MYO16: variants seen among roughly 807,000 people sequenced by gnomAD.
MYO16 encodes unconventional myosin-XVI.
MYO16 carries 94 observed loss-of-function variants against 205.3 expected under a neutral mutation model. The ratio of observed to expected loss-of-function variants is 0.46; its 90% CI spans 0.39 to 0.54. The LOEUF (loss-of-function observed/expected upper bound fraction) is 0.54, where lower values mean the gene tolerates loss of function less well. Among genes scored for constraint, MYO16 ranks in the 20% least tolerant of loss-of-function variants. The pLI, the probability that MYO16 is intolerant of heterozygous loss-of-function variation, is 0.00. For missense variants in MYO16, 2,315 were observed against 2,387.5 expected (o/e 0.97, Z 0.63); for synonymous variants, 988 against 954.0 (o/e 1.04, Z -0.66).
intron 20 of MYO16, among the ~76,000 whole-genome samples, chr13:108,983,156 A>G (rs1287360205): frequency 6.6e-6 from 1 of 152,214 alleles, no homozygotes; most frequent in Non-Finnish European, 1.5e-5. Context: ...TACAAAATAA[A>G]TATACCATGC....
intron 2 of MYO16, among the ~76,000 whole-genome samples, chr13:108,667,315 G>GT (rs1186561491): frequency 0.055 from 6,465 of 117,986 alleles, 320 homozygotes; most frequent in South Asian, 0.1. Flanking sequence ...GAGAATTTCT[G>GT]TTTTGTTTTT....
At chr13:109,116,879 T>C (rs1875716500) in intron 28 of MYO16, among the ~76,000 whole-genome samples, 1 of 152,124 alleles carries the variant, frequency 6.6e-6, no homozygotes, top group African/African-American at 2.4e-5. Context: ...TGGTAGGAGT[T>C]GGAAGGGTGG....
At chr13:108,806,896 C>CTGAT in intron 7 of MYO16, 92 bp downstream of exon 7, 2 of 966,934 alleles carry the variant, frequency 2.1e-6, no homozygotes, top group Non-Finnish European at 2.8e-6. Context: ...AAATTACGTA[C>CTGAT]TAATCATTAT....
chr13:109,116,336 G>C (rs1566513777), intron 28 of MYO16, among the ~76,000 whole-genome samples: 1 of 151,964 alleles, frequency 6.6e-6, no homozygotes, highest in Non-Finnish European at 1.5e-5. Flanking sequence ...ATTTGCATAG[G>C]CTACATGAAA....
chr13:108,957,268 C>CAGCTAGTCAA, intron 16 of MYO16, among the ~76,000 whole-genome samples: 1 of 150,686 alleles, frequency 6.6e-6, no homozygotes, highest in African/African-American at 2.4e-5. Flanking sequence ...CCTGTAATCC[C>CAGCTAGTCAA]AGCTAGTCAA....
chr13:108,705,128 T>A (rs1003171928), intron 2 of MYO16, among the ~76,000 whole-genome samples: 2 of 152,150 alleles, frequency 1.3e-5, no homozygotes, highest in African/African-American at 4.8e-5. Context: ...TCCAGAAAGT[T>A]TAAATTGCAC....
At chr13:108,509,876 C>T in the MYO16 span, among the ~76,000 whole-genome samples, 1 of 152,006 alleles carries the variant, frequency 6.6e-6, no homozygotes, top group Admixed American at 6.6e-5. Context: ...CTTTTTCTTC[C>T]CCCGCCCAAC....
At chr13:109,030,062 A>T (rs565325121) in intron 23 of MYO16, among the ~76,000 whole-genome samples, 2 of 152,212 alleles carry the variant, frequency 1.3e-5, no homozygotes, top group South Asian at 4.1e-4. Context: ...ATCCATATAC[A>T]GATTTCTAGA....
intron 23 of MYO16, chr13:109,028,258 T>C (rs945543529): frequency 7.3e-6 from 1 of 137,158 alleles, no homozygotes; most frequent in African/African-American, 2.7e-5. Flanking sequence ...ATATAAAAAA[T>C]ATATAAAAAT....
intron 34 of MYO16, among the ~76,000 whole-genome samples, chr13:109,183,485 G>A (rs928483402): frequency 1.3e-5 from 2 of 152,128 alleles, no homozygotes; most frequent in African/African-American, 4.8e-5. Context: ...CTGTTTAGGG[G>A]TCCACACTTG....
intron 27 of MYO16, among the ~76,000 whole-genome samples, chr13:109,099,044 G>A (rs756465870): frequency 2.0e-5 from 3 of 152,058 alleles, no homozygotes; most frequent in Admixed American, 6.6e-5. Context: ...GATCAGCTTC[G>A]ATGACTGCTC....
At chr13:108,870,280 T>G (rs908478100) in intron 12 of MYO16, among the ~76,000 whole-genome samples, 7 of 152,192 alleles carry the variant, frequency 4.6e-5, no homozygotes, top group African/African-American at 1.7e-4. Context: ...TTTCTTTATA[T>G]TACTGACGTC....
chr13:109,206,676 G>C lies in MYO16; in HGVS notation c.5483G>C (p.Arg1828Thr). 8 of 1,614,180 alleles carry C rather than the reference G, an allele frequency of 5.0e-6. No individual in the cohort carries two copies. Among genetic ancestry groups the C allele is most frequent in the Non-Finnish European group, 6.8e-6 (8 of 1,180,012 alleles). The change falls in exon 35 of 35, where the codon AGA becomes ACA. Residue 1828 changes from arginine to threonine, a missense_variant. Coordinates refer to ENST00000457511, the MANE Select transcript of MYO16 (RefSeq NM_001198950.3). ...VALQELLDWRRKLCEEGQDWQ... is the reference protein window; with the variant it reads ...VALQELLDWRTKLCEEGQDWQ... ...CTGCAGGAACTCTTGGACTGGAGGA[G>C]AAAGCTCTGTGAGGAAGGACAAGAC...
chr13:108,800,426 C>A (rs896618263), intron 6 of MYO16, among the ~76,000 whole-genome samples: 6 of 152,158 alleles, frequency 3.9e-5, no homozygotes, highest in Non-Finnish European at 8.8e-5. Flanking sequence ...TTGTTCAACA[C>A]TTTTTCTCCT....
intron 7 of MYO16, among the ~76,000 whole-genome samples, chr13:108,815,493 TGGAAGG>T (rs1875532582): frequency 6.6e-6 from 1 of 151,868 alleles, no homozygotes; most frequent in African/African-American, 2.4e-5. Flanking sequence ...TTGAAGATGG[TGGAAGG>T]GGAGGGACCA....
At chr13:109,060,549 C>A (rs993292493) in intron 27 of MYO16, among the ~76,000 whole-genome samples, 37 of 152,036 alleles carry the variant, frequency 2.4e-4, no homozygotes, top group Admixed American at 2.6e-4. Context: ...GGCTTAAAAC[C>A]TAGATGACGG....
At chr13:108,757,836 T>C (rs765470126) in intron 4 of MYO16, among the ~76,000 whole-genome samples, 11 of 152,228 alleles carry the variant, frequency 7.2e-5, no homozygotes, top group Non-Finnish European at 1.5e-4. Context: ...CGTCAGACCA[T>C]GTAGCTACTT....
chr13:109,118,379 G>T (rs192504625), intron 28 of MYO16, among the ~76,000 whole-genome samples: 1 of 152,176 alleles, frequency 6.6e-6, no homozygotes, highest in Non-Finnish European at 1.5e-5. Context: ...CACTGTAAGA[G>T]ATCATACTCA....
intron 6 of MYO16, among the ~76,000 whole-genome samples, chr13:108,799,301 A>G (rs1886898866): frequency 2.0e-5 from 3 of 152,268 alleles, no homozygotes; most frequent in Admixed American, 2.0e-4. Context: ...GAACCCATGG[A>G]TCACCTTTCA....
Sources: allele counts gnomAD v4.1 joint callset (sites outside exome capture counted in the v4.1 genomes callset), GRCh38; gene constraint gnomAD v4.1.1; transcripts MANE v1.5; gene names NCBI Gene and HGNC (gene_info 2026-07-23, HGNC 2026-07-21).